The following KDM4C variants were observed in gnomAD, a reference collection of about 807,000 sequenced individuals.
KDM4C encodes the protein lysine demethylase 4C.
Under a neutral mutation model 129.3 loss-of-function variants are expected in KDM4C, and 81 were observed. That is an observed-to-expected ratio of 0.63 (90% CI 0.52 to 0.75). The LOEUF (loss-of-function observed/expected upper bound fraction) is 0.75, where lower values mean the gene tolerates loss of function less well. Among genes scored for constraint, KDM4C ranks in the 30% least tolerant of loss-of-function variants. KDM4C has a pLI of 0.00. For synonymous variants in KDM4C, 573 were observed against 456.1 expected, an observed-to-expected ratio of 1.26 and a Z score of -3.26; for missense variants, 1,457 against 1,304.0, an observed-to-expected ratio of 1.12 and a Z score of -1.81.
At chr9:7,142,560 T>A (rs913602369) in intron 19 of KDM4C, among the ~76,000 whole-genome samples, 1 of 152,250 alleles carries the variant, frequency 6.6e-6, no homozygotes, top group Non-Finnish European at 1.5e-5. Flanking sequence ...TTACCGAGTC[T>A]TGAACATCTC....
At chr9:7,096,388 G>A (rs1295931057) in intron 17 of KDM4C, among the ~76,000 whole-genome samples, 2 of 152,130 alleles carry the variant, frequency 1.3e-5, no homozygotes, top group Non-Finnish European at 2.9e-5. Flanking sequence ...CTGCTAAGAG[G>A]GGTCTAGGAA....
intron 1 of KDM4C, among the ~76,000 whole-genome samples, chr9:6,722,554 C>A (rs1258099708): frequency 6.6e-6 from 1 of 150,960 alleles, no homozygotes; most frequent in Admixed American, 6.6e-5. Context: ...GCTCTTGTTG[C>A]CCAGGCTGGA....
chr9:6,991,987 AT>A (rs1364988206), intron 12 of KDM4C, among the ~76,000 whole-genome samples: 2 of 151,822 alleles, frequency 1.3e-5, no homozygotes, highest in Non-Finnish European at 2.9e-5. Flanking sequence ...ATTTGCATTG[AT>A]TTCCATATAT....
chr9:7,167,062 C>T (rs537796376), intron 20 of KDM4C, among the ~76,000 whole-genome samples: 11 of 152,218 alleles, frequency 7.2e-5, no homozygotes, highest in African/African-American at 2.6e-4. Flanking sequence ...TAGGCATATG[C>T]GTTTTTTGAC....
Position 7,055,294 on chromosome 9 carries a change from T to A in KDM4C, c.2424+6094T>A, listed in dbSNP as rs140617561. On this transcript the variant is annotated intron_variant, in intron 17 of 21. Transcript: ENST00000381309. ...ATGTCTTTAGACCTTTCTAGGACTT[T>A]TACATTTGAAATCCTATTTCTGCAA... 2.7e-3 allele frequency among the ~76,000 whole-genome samples: 413 copies of A among 152,346 alleles called. 4 individuals are homozygous for A. Among genetic ancestry groups the A allele is most frequent in the African/African-American group, 9.3e-3 (386 of 41,592 alleles).
intron 1 of KDM4C, among the ~76,000 whole-genome samples, chr9:6,778,094 T>G (rs1164365761): frequency 7.0e-6 from 1 of 143,398 alleles, no homozygotes; most frequent in Non-Finnish European, 1.5e-5. Flanking sequence ...AATTTTTTCT[T>G]TTTTTTTTTT....
intron 4 of KDM4C, among the ~76,000 whole-genome samples, chr9:6,820,599 T>C (rs1832851423): frequency 6.6e-6 from 1 of 151,794 alleles, no homozygotes; most frequent in Non-Finnish European, 1.5e-5. Flanking sequence ...GGATATAGCA[T>C]AGGAATTAGG....
intron 17 of KDM4C, among the ~76,000 whole-genome samples, chr9:7,065,455 G>C (rs1047209357): frequency 2.0e-5 from 3 of 151,902 alleles, no homozygotes; most frequent in African/African-American, 4.8e-5. Flanking sequence ...AATTTAGAAA[G>C]TCATCAGTTT....
intron 1 of KDM4C, among the ~76,000 whole-genome samples, chr9:6,784,320 C>G (rs1825010559): frequency 6.6e-6 from 1 of 152,070 alleles, no homozygotes; most frequent in African/African-American, 2.4e-5. Flanking sequence ...AATAAAAATC[C>G]AGTTAGGTCT....
chr9:7,157,338 C>G (rs1564189621), intron 19 of KDM4C, among the ~76,000 whole-genome samples: 2 of 152,088 alleles, frequency 1.3e-5, no homozygotes, highest in Non-Finnish European at 2.9e-5. Flanking sequence ...AATTGAATAC[C>G]CATTATTTCT....
chr9:6,923,784 C>T (rs1432929825), intron 8 of KDM4C, among the ~76,000 whole-genome samples: 1 of 152,188 alleles, frequency 6.6e-6, no homozygotes, highest in Non-Finnish European at 1.5e-5. Context: ...GTTTCAAATG[C>T]TTCCTGTGTC....
chr9:7,036,123 G>A (rs1455085711), intron 15 of KDM4C, among the ~76,000 whole-genome samples: 1 of 152,008 alleles, frequency 6.6e-6, no homozygotes, highest in Non-Finnish European at 1.5e-5. Flanking sequence ...ATGAGCTTGG[G>A]ATGTTTTCCC....
At position 7,119,551 on chromosome 9, in the gene KDM4C, C is replaced by A. The variant is rs139158053; in HGVS notation, c.2611-8515C>A. 2.6e-5 allele frequency among the ~76,000 whole-genome samples: 4 copies of A among 151,352 alleles called. No individual in the cohort carries two copies. In the East Asian group the frequency reaches 7.7e-4, roughly 29 times the overall value. ...ATCAGGATATTAATAGTTGTTAGAC[C>A]TACCTTTAGATATTAGTATTTAATG... is the stretch of plus-strand genomic sequence containing the variant. On this transcript the variant is annotated intron_variant, in intron 18 of 21. Coordinates refer to ENST00000381309, the MANE Select transcript of KDM4C (RefSeq NM_015061.6).
intron 12 of KDM4C, among the ~76,000 whole-genome samples, chr9:7,010,384 A>G (rs1233391516): frequency 6.6e-6 from 1 of 152,186 alleles, no homozygotes; most frequent in East Asian, 1.9e-4. Context: ...CATTTGACAT[A>G]TTTTGAGTTA....
At chr9:6,865,039 T>C (rs972006552) in intron 5 of KDM4C, among the ~76,000 whole-genome samples, 1 of 144,558 alleles carries the variant, frequency 6.9e-6, no homozygotes, top group African/African-American at 2.5e-5. Context: ...GATAGAGTCT[T>C]GCTCTATTGC....
intron 8 of KDM4C, among the ~76,000 whole-genome samples, chr9:6,921,312 C>A (rs1410929279): frequency 6.6e-6 from 1 of 152,210 alleles, no homozygotes; most frequent in Non-Finnish European, 1.5e-5. Flanking sequence ...GAAATCAAGG[C>A]TGATTACTTC....
rs10975951 is a variant in KDM4C at position 6,989,337 on chromosome 9, A to G, written c.1678-1079A>G. ...TGTTTTCTTTCATAGTCAACTCTTGATGTAAGCTTGCTGGGTTCAAACTCT... is the reference window on the plus strand; with the variant it reads ...TGTTTTCTTTCATAGTCAACTCTTGGTGTAAGCTTGCTGGGTTCAAACTCT... On this transcript the variant is annotated intron_variant, in intron 11 of 21. Transcript: ENST00000381309. Among the ~76,000 whole-genome samples the G allele has an allele frequency of 5.7e-3, 869 of 152,212 alleles. 4 individuals carry two copies. Among genetic ancestry groups the G allele is most frequent in the Middle Eastern group, 0.02 (6 of 294 alleles).
rs564945228 is a variant in KDM4C at position 6,966,302 on chromosome 9, C to T, written c.922-14623C>T. Among the ~76,000 whole-genome samples the T allele has an allele frequency of 2.1e-4, 32 of 152,220 alleles. No individual in the cohort carries two copies. In the South Asian group the frequency reaches 6.6e-3, roughly 32 times the overall value. The stretch of plus-strand genomic sequence containing the variant: ...GGTTCACGCCATTCTCCTGCCTCAG[C>T]CTCCTGAATAGCTGGGAATACAGGC... On this transcript the variant is annotated intron_variant, in intron 8 of 21. Transcript: ENST00000381309.
At chr9:6,911,850 C>G (rs1819377562) in intron 8 of KDM4C, among the ~76,000 whole-genome samples, 3 of 152,122 alleles carry the variant, frequency 2.0e-5, no homozygotes, top group East Asian at 1.9e-4. Context: ...GTGGCAGGGA[C>G]TGGGCACTGT....
Sources: gnomAD v4.1 joint callset for allele counts (sites outside exome capture counted in the v4.1 genomes callset) on GRCh38, gnomAD v4.1.1 for gene constraint, MANE v1.5 for transcripts, NCBI Gene and HGNC (gene_info 2026-07-23, HGNC 2026-07-21) for gene names.